The following MFHAS1 variants were observed in gnomAD, a reference collection of about 807,000 sequenced individuals.
The protein encoded by MFHAS1 is malignant fibrous histiocytoma-amplified sequence 1.
MFHAS1 carries 50 observed loss-of-function variants against 70.4 expected under a neutral mutation model. The observed-to-expected ratio is 0.71, with a 90% CI of 0.57 to 0.90. The LOEUF (loss-of-function observed/expected upper bound fraction) is 0.90, where lower values mean the gene tolerates loss of function less well. Ranked by LOEUF, MFHAS1 falls within the 40% of genes least tolerant of loss-of-function variation. The pLI is 0.00. For synonymous variants in MFHAS1, 952 were observed against 620.0 expected (o/e 1.54, Z -7.96); for missense variants, 1,795 against 1,347.6 (o/e 1.33, Z -5.20).
At chr8:8,819,570 C>G (rs1806869578) in intron 1 of MFHAS1, among the ~76,000 whole-genome samples, 1 of 146,954 alleles carries the variant, frequency 6.8e-6, no homozygotes, top group Admixed American at 6.9e-5. Context: ...CGCCACTGCA[C>G]TCCAGCCTAG....
At chr8:8,834,127 A>AG (rs1435743498) in intron 1 of MFHAS1, among the ~76,000 whole-genome samples, 1 of 132,054 alleles carries the variant, frequency 7.6e-6, no homozygotes, top group Non-Finnish European at 1.8e-5. Flanking sequence ...CTCTGTCAAA[A>AG]AAAACAAAAA....
chr8:8,876,224 C>T (rs1263578264), intron 1 of MFHAS1, among the ~76,000 whole-genome samples: 18 of 152,220 alleles, frequency 1.2e-4, no homozygotes, highest in Admixed American at 1.2e-3. Flanking sequence ...ACTCCAAGAG[C>T]TCTTGCAACT....
At chr8:8,803,147 G>A (rs936580012) in intron 1 of MFHAS1, among the ~76,000 whole-genome samples, 10 of 152,182 alleles carry the variant, frequency 6.6e-5, no homozygotes, top group African/African-American at 2.4e-4. Flanking sequence ...CAATTACAGA[G>A]TTAGCCCTCC....
intron 1 of MFHAS1, among the ~76,000 whole-genome samples, chr8:8,841,251 G>C (rs1807811019): frequency 1.3e-5 from 2 of 152,046 alleles, no homozygotes; most frequent in Admixed American, 1.3e-4. Flanking sequence ...GAGGCAGGCG[G>C]ATCACCTGCG....
In MFHAS1 at chr8:8,890,995, G is replaced by C. The variant is rs780865322; in HGVS notation, c.2064C>G (p.Arg688=). 3 of 1,613,834 alleles carry C rather than the reference G, an allele frequency of 1.9e-6. No homozygotes were observed. The highest frequency in any genetic ancestry group is 2.5e-6 in the Non-Finnish European group (3 of 1,180,000). ...CGGTCAGACCCGCCTGCAGGCCCAAGCGCGCCGAGTCCCACCAGCTTAGCC... is the reference window on the plus strand; with the variant it reads ...CGGTCAGACCCGCCTGCAGGCCCAACCGCGCCGAGTCCCACCAGCTTAGCC... ...RLWLSWWDSA[R]LGLQAGLTED... is the part of the protein sequence containing the mutation. The change falls in exon 1 of 3, where the codon CGC becomes CGG. Residue 688 remains arginine (R), a synonymous_variant. Coordinates refer to ENST00000276282, the MANE Select transcript of MFHAS1 (RefSeq NM_004225.3).
intron 2 of MFHAS1, among the ~76,000 whole-genome samples, chr8:8,792,664 T>G (rs1805758693): frequency 6.6e-6 from 1 of 152,140 alleles, no homozygotes; most frequent in South Asian, 2.1e-4. Context: ...AACTAGGTGT[T>G]GGATAAGACA....
At chr8:8,786,217 T>C (rs1176424363) in intron 2 of MFHAS1, among the ~76,000 whole-genome samples, 162 bp from the exon 3 acceptor site, 1 of 152,238 alleles carries the variant, frequency 6.6e-6, no homozygotes, top group Non-Finnish European at 1.5e-5. Flanking sequence ...AGGCAACTTA[T>C]GTCCCCACAA....
chr8:8,812,979 A>G (rs1194143754), intron 1 of MFHAS1, among the ~76,000 whole-genome samples: 10 of 152,114 alleles, frequency 6.6e-5, no homozygotes, highest in Non-Finnish European at 2.9e-5. Flanking sequence ...GTTGGCCAGG[A>G]TGGTCTCAAA....
chr8:8,822,315 G>A (rs1468643194), intron 1 of MFHAS1, among the ~76,000 whole-genome samples: 1 of 152,230 alleles, frequency 6.6e-6, no homozygotes, highest in African/African-American at 2.4e-5. Flanking sequence ...GAGGGGAGAG[G>A]AAAATGGAGC....
At chr8:8,803,516 CA>C (rs34602481) in intron 1 of MFHAS1, among the ~76,000 whole-genome samples, 63,974 of 125,466 alleles carry the variant, frequency 0.51, 15,216 homozygotes, top group East Asian at 0.83. Flanking sequence ...GACCCTGTCT[CA>C]AAAAAAAAAA....
intron 1 of MFHAS1, among the ~76,000 whole-genome samples, chr8:8,812,162 G>A (rs972283328): frequency 6.4e-4 from 77 of 119,566 alleles, no homozygotes; most frequent in Middle Eastern, 4.0e-3. Flanking sequence ...TACATGGCTC[G>A]GAGAAGCCCG....
Position 8,892,009 on chromosome 8 carries a change from C to T in MFHAS1, c.1050G>A (p.Gln350=), listed in dbSNP as rs1208159317. ...CGGGCAGCACCGCGATCTGGTTCCC[C>T]TGCAGCACGAGCTCCTCCAGGCCGG... ...ELTGLEELVL[Q]GNQIAVLPDH... The change falls in exon 1 of 3, where the codon CAG becomes CAA. Residue 350 remains glutamine, a synonymous_variant. Transcript: ENST00000276282. This position sits in a 1 kb window ranked among gnomAD's most constrained non-coding sequence, Gnocchi z 4.7. 6 of 1,613,624 alleles carry T rather than the reference C, an allele frequency of 3.7e-6. No individual in the cohort carries two copies. The highest frequency in any genetic ancestry group is 5.1e-6 in the Non-Finnish European group (6 of 1,180,012).
At chr8:8,819,329 G>A (rs1207680796) in intron 1 of MFHAS1, among the ~76,000 whole-genome samples, 2 of 152,084 alleles carry the variant, frequency 1.3e-5, no homozygotes, top group Non-Finnish European at 2.9e-5. Context: ...GAATTGGCCG[G>A]GTGCGGTGGC....
At chr8:8,847,959 C>T (rs1808095529) in intron 1 of MFHAS1, among the ~76,000 whole-genome samples, 1 of 152,186 alleles carries the variant, frequency 6.6e-6, no homozygotes, top group Non-Finnish European at 1.5e-5. Flanking sequence ...GTGATGCACA[C>T]ATGTAACATT....
chr8:8,805,483 T>G (rs950981915), intron 1 of MFHAS1, among the ~76,000 whole-genome samples: 1 of 152,182 alleles, frequency 6.6e-6, no homozygotes, highest in African/African-American at 2.4e-5. Flanking sequence ...TAAGTGGAAG[T>G]AGACCATCAT....
intron 1 of MFHAS1, among the ~76,000 whole-genome samples, chr8:8,846,821 C>G (rs768842819): frequency 3.5e-4 from 53 of 152,022 alleles, no homozygotes; most frequent in Admixed American, 1.5e-3. Flanking sequence ...AAAATAGCAG[C>G]GACCCACCCC....
At chr8:8,878,118 C>A (rs989020747) in intron 1 of MFHAS1, among the ~76,000 whole-genome samples, 1 of 152,184 alleles carries the variant, frequency 6.6e-6, no homozygotes, top group Admixed American at 6.5e-5. Flanking sequence ...CACCTTACCT[C>A]CACCTGACCA....
intron 1 of MFHAS1, among the ~76,000 whole-genome samples, chr8:8,848,422 G>T (rs1367229768): frequency 1.3e-5 from 2 of 149,900 alleles, no homozygotes; most frequent in South Asian, 4.2e-4. Flanking sequence ...AAGAAGCCAT[G>T]CCATCCCACT....
chr8:8,883,658 A>T (rs1235535498), intron 1 of MFHAS1, among the ~76,000 whole-genome samples: 1 of 144,752 alleles, frequency 6.9e-6, no homozygotes, highest in Non-Finnish European at 1.5e-5. Flanking sequence ...CAATGAGCTC[A>T]GACAGCGCCA....
Sources: allele counts gnomAD v4.1 joint callset (sites outside exome capture counted in the v4.1 genomes callset), GRCh38; gene constraint gnomAD v4.1.1; non-coding constraint Gnocchi (gnomAD v3.1); transcripts MANE v1.5; gene names NCBI Gene and HGNC (gene_info 2026-07-23, HGNC 2026-07-21).